Variants in CIC observed in about 807,000 individuals in gnomAD.
CIC encodes capicua transcriptional repressor.
Under a neutral mutation model 115.7 loss-of-function variants are expected in CIC, and 18 were observed. The ratio of observed to expected loss-of-function variants is 0.16; its 90% CI spans 0.11 to 0.23. CIC has a LOEUF of 0.23. Ranked by LOEUF, CIC falls within the 10% of genes least tolerant of loss-of-function variation. The pLI is 1.00. For synonymous variants in CIC, 1,076 were observed against 923.0 expected, an observed-to-expected ratio of 1.17 and a Z score of -3.01; for missense variants, 2,000 against 2,159.3, an observed-to-expected ratio of 0.93 and a Z score of 1.46.
intron 7 of CIC, 25 bp from the exon 8 acceptor site, chr19:42,288,863 C>A: frequency 6.2e-7 from 1 of 1,609,002 alleles, no homozygotes; most frequent in South Asian, 1.1e-5. Flanking sequence ...TACTGACTGT[C>A]ATAGCGCCAC....
rs781644205 is a variant in CIC at position 42,292,135 on chromosome 19, C to G, written c.5663C>G (p.Pro1888Arg). The G allele has an allele frequency of 6.2e-7, 1 of 1,613,866 alleles. No individual in the cohort carries two copies. Among genetic ancestry groups the G allele is most frequent in the Non-Finnish European group, 8.5e-7 (1 of 1,179,988 alleles). ...GTGAGCACACCCAGCGGCCTGGTGC[C>G]GCCCCTGAGCCCAGCCACACTCCCT... ...VPVSTPSGLV[P>R]PLSPATLPGP... The change falls in exon 13 of 21, where the codon CCG (proline) becomes CGG (arginine). Residue 1888 changes from proline to arginine, a missense_variant. Pro to Arg is a moderately radical substitution (Grantham distance 103). Coordinates refer to ENST00000681038, the MANE Select transcript of CIC (RefSeq NM_001386298.1).
At chr19:42,289,731 T>C in intron 9 of CIC, 117 bp from the exon 10 acceptor site, 4 of 939,358 alleles carry the variant, frequency 4.3e-6, no homozygotes, top group Non-Finnish European at 6.7e-6. Context: ...GGAGTAGCCT[T>C]CCTGGACAGC....
rs1279152958 is a variant in CIC at position 42,273,465 on chromosome 19, G to T, written c.1682G>T (p.Gly561Val). 1 of 398,448 alleles carries T rather than the reference G, an allele frequency of 2.5e-6. No homozygotes were observed. The allele number at this position is 398,448 out of a possible 1,614,324, so 24.7% of individuals were successfully genotyped here. Residue 561 changes from glycine to valine, a missense_variant, in exon 2 of 21, where the codon GGT becomes GTT. Around this residue, in one of 8 missense-constraint regions of CIC, gnomAD observed 222 missense variants for 247.7 expected, o/e 0.90. Transcript: ENST00000681038. ...AREGSTEFDW[G>V]DETSRDSEAS... Reference sequence around the variant, plus strand: ...GAGGGCAGCACGGAGTTTGACTGGGGTGATGAGACGTCGAGGGACAGTGAG... The same window carrying T: ...GAGGGCAGCACGGAGTTTGACTGGGTTGATGAGACGTCGAGGGACAGTGAG...
At position 42,291,656 on chromosome 19, in the gene CIC, G is replaced by T. The variant is rs754780984; in HGVS notation, c.5524G>T (p.Val1842Leu). The T allele has an allele frequency of 5.0e-6, 8 of 1,612,900 alleles. No homozygotes were observed. The East Asian group carries it at 1.8e-4, about 36-fold the overall frequency. ...GCCTCTGGCCGCCCCTAGCATGTCA[G>T]TGCGGGGTGGAGGGGCCGGCCAGCC... is the stretch of plus-strand genomic sequence containing the variant. The part of the protein sequence containing the change: ...LVPLAAPSMS[V>L]RGGGAGQPLP... The change falls in exon 12 of 21, where the codon GTG becomes TTG. Residue 1842 changes from valine (V) to leucine (L), a missense_variant. Val to Leu is a conservative substitution (Grantham distance 32). This residue lies in a region of CIC where 1,466 missense variants were observed against 1,390.4 expected (regional missense o/e 1.05). Coordinates refer to ENST00000681038, the MANE Select transcript of CIC (RefSeq NM_001386298.1).
intron 2 of CIC, among the ~76,000 whole-genome samples, chr19:42,275,769 C>T (rs1261966316): frequency 2.0e-5 from 3 of 152,206 alleles, no homozygotes; most frequent in Non-Finnish European, 4.4e-5. Context: ...CTGTCTTGGC[C>T]TCCCAAAATG....
intron 16 of CIC, 136 bp downstream of exon 16, chr19:42,293,417 C>T (rs897402716): frequency 1.5e-6 from 2 of 1,346,082 alleles, no homozygotes; most frequent in Non-Finnish European, 2.1e-6. Context: ...GTCCCTTCTG[C>T]CTGCCTGTGT....
Position 42,287,522 on chromosome 19 carries a change from G to A in CIC, c.3310-23G>A, listed in dbSNP as rs766543605. On this transcript the variant is annotated intron_variant, in intron 5 of 20. Coordinates refer to ENST00000681038, the MANE Select transcript of CIC (RefSeq NM_001386298.1). The surrounding 1 kb of genome is among the most constrained non-coding windows in gnomAD (Gnocchi z 8.7). Reference sequence around the variant, plus strand: ...CTGTCTGCCAGGTCCTAACTGTCCCGCTCTGGGCTGTGTTTAATGCAGCGG... The same window carrying A: ...CTGTCTGCCAGGTCCTAACTGTCCCACTCTGGGCTGTGTTTAATGCAGCGG... The A allele has an allele frequency of 5.6e-6, 9 of 1,612,640 alleles. 1 individual carries two copies. Among genetic ancestry groups the A allele is most frequent in the East Asian group, 2.2e-5 (1 of 44,876 alleles).
chr19:42,295,143 G>GGGGGGGCCCCCCC lies in CIC; in HGVS notation c.7506_7507insGGGGGGCCCCCCC (p.Pro2503GlyfsTer24). ...AGCCTGGCTGGGAGGGGGCTCCCCA[G>GGGGGGGCCCCCCC]CCCTCCCCCCCACCCCCAGGTCCCT... On this transcript the variant is annotated frameshift_variant, in exon 21 of 21. Transcript: ENST00000681038. LOFTEE classifies it high-confidence loss of function. 1.4e-6 allele frequency: 2 copies of GGGGGGGCCCCCCC among 1,382,718 alleles called. No individual in the cohort carries two copies. The highest frequency in any genetic ancestry group is 1.9e-6 in the Non-Finnish European group (2 of 1,037,806). The allele number at this position is 1,382,718 out of a possible 1,614,324, so 85.7% of individuals were successfully genotyped here. A position where few individuals can be genotyped will look rare whatever the true frequency, so the allele number is the denominator to read the frequency against.
At position 42,280,503 on chromosome 19, in the gene CIC, C is replaced by T. The variant is rs549439959; in HGVS notation, c.2794+5926C>T. 6.6e-6 allele frequency among the ~76,000 whole-genome samples: 1 copy of T among 152,286 alleles called. No individual in the cohort carries two copies. Among genetic ancestry groups the T allele is most frequent in the African/African-American group, 2.4e-5 (1 of 41,562 alleles). On this transcript the variant is annotated intron_variant, in intron 2 of 20. Coordinates refer to ENST00000681038, the MANE Select transcript of CIC (RefSeq NM_001386298.1). This position sits in a 1 kb window ranked among gnomAD's most constrained non-coding sequence, Gnocchi z 4.9. Reference sequence around the variant, plus strand: ...CCTTCTCATTGGCTGCCGTCTCGCCCGCTGACCGCTGATTGGCCGAGACCT... The same window carrying T: ...CCTTCTCATTGGCTGCCGTCTCGCCTGCTGACCGCTGATTGGCCGAGACCT...
At chr19:42,271,206 G>C (rs2036778731) in intron 1 of CIC, among the ~76,000 whole-genome samples, 1 of 152,232 alleles carries the variant, frequency 6.6e-6, no homozygotes, top group African/African-American at 2.4e-5. Flanking sequence ...GAGTAAATGT[G>C]CCCTCTGGAT....
chr19:42,286,014 CCT>C (rs929458432), intron 2 of CIC, among the ~76,000 whole-genome samples: 6 of 152,246 alleles, frequency 3.9e-5, no homozygotes, highest in Admixed American at 6.5e-5. Context: ...CACACCCTCC[CCT>C]GTTTTGGGCA....
rs112938816 is a variant in CIC at position 42,292,347 on chromosome 19, C to T, written c.5783C>T (p.Thr1928Ile). Residue 1928 changes from threonine (T) to isoleucine (I), a missense_variant, in exon 14 of 21, where the codon ACC becomes ATC. By Grantham distance (89) the Thr-to-Ile change is moderately conservative. Around this residue, in one of 8 missense-constraint regions of CIC, gnomAD observed 1,466 missense variants for 1,390.4 expected, o/e 1.05. Transcript: ENST00000681038. ...GGCGGGCACGCGCTGCCCCTGGGTACCAGCCCTGCGTCCAGCCAGGCTGGA... is the reference window on the plus strand; with the variant it reads ...GGCGGGCACGCGCTGCCCCTGGGTATCAGCCCTGCGTCCAGCCAGGCTGGA... Reference protein sequence around the residue: ...SAGGHALPLGTSPASSQAGTV... With the variant: ...SAGGHALPLGISPASSQAGTV... The T allele has an allele frequency of 6.2e-7, 1 of 1,613,076 alleles. No individual in the cohort carries two copies. Among genetic ancestry groups the T allele is most frequent in the Non-Finnish European group, 8.5e-7 (1 of 1,179,942 alleles).
In CIC at chr19:42,293,757, C is replaced by T. The variant is rs775619086; in HGVS notation, c.6688C>T (p.Arg2230Cys). 11 of 1,612,644 alleles carry T rather than the reference C, an allele frequency of 6.8e-6. No homozygotes were observed. Among genetic ancestry groups the T allele is most frequent in the Admixed American group, 3.3e-5 (2 of 59,994 alleles). ...SGRAAGDTPE[R>C]KEAAGTGKKV... ...GCGGGCAGCCGGGGACACCCCGGAG[C>T]GCAAGGAGGCGGCTGGTACTGGCAA... Residue 2230 changes from arginine to cysteine, a missense_variant, in exon 17 of 21, where the codon CGC becomes TGC. Physicochemically the swap from Arg to Cys is radical, Grantham distance 180. Coordinates refer to ENST00000681038, the MANE Select transcript of CIC (RefSeq NM_001386298.1).
At position 42,280,510 on chromosome 19, in the gene CIC, C is replaced by T. The variant is rs947338374; in HGVS notation, c.2794+5933C>T. Among the ~76,000 whole-genome samples, 10 of 152,182 alleles carry T rather than the reference C, an allele frequency of 6.6e-5. No individual in the cohort carries two copies. Among genetic ancestry groups the T allele is most frequent in the Non-Finnish European group, 1.5e-4 (10 of 68,022 alleles). Reference sequence around the variant, plus strand: ...ATTGGCTGCCGTCTCGCCCGCTGACCGCTGATTGGCCGAGACCTGCTTCTC... The same window carrying T: ...ATTGGCTGCCGTCTCGCCCGCTGACTGCTGATTGGCCGAGACCTGCTTCTC... On this transcript the variant is annotated intron_variant, in intron 2 of 20. Transcript: ENST00000681038. The surrounding 1 kb of genome is among the most constrained non-coding windows in gnomAD (Gnocchi z 4.9).
chr19:42,293,581 C>A lies in CIC; in HGVS notation c.6523-11C>A. 6.2e-7 allele frequency: 1 copy of A among 1,613,826 alleles called. No individual in the cohort carries two copies. Among genetic ancestry groups the A allele is most frequent in the Non-Finnish European group, 8.5e-7 (1 of 1,180,020 alleles). On this transcript the variant is annotated splice_polypyrimidine_tract_variant and intron_variant, in intron 16 of 20. Coordinates refer to ENST00000681038, the MANE Select transcript of CIC (RefSeq NM_001386298.1). ...CAGTGTTCGCCATCTCCCTGCCCATCTCCACCCCAGGCCAGCAAATTCCCC... is the reference window on the plus strand; with the variant it reads ...CAGTGTTCGCCATCTCCCTGCCCATATCCACCCCAGGCCAGCAAATTCCCC...
rs992819859 is a variant in CIC at position 42,289,970 on chromosome 19, G to T, written c.4191+19G>T. Reference sequence around the variant, plus strand: ...CAACAAGGTGAGGGCTTGGGTCACGGTGCTGTCCCATCACACTCCCTCCTA... The same window carrying T: ...CAACAAGGTGAGGGCTTGGGTCACGTTGCTGTCCCATCACACTCCCTCCTA... On this transcript the variant is annotated intron_variant, in intron 10 of 20. Transcript: ENST00000681038. 2 of 1,569,056 alleles carry T rather than the reference G, an allele frequency of 1.3e-6. No homozygotes were observed. The highest frequency in any genetic ancestry group is 3.6e-5 in the Admixed American group (2 of 55,784).
In CIC at chr19:42,291,077, A is replaced by T. The variant is rs1433852781; in HGVS notation, c.5036A>T (p.Tyr1679Phe). The T allele has an allele frequency of 2.5e-6, 4 of 1,613,758 alleles. No individual in the cohort carries two copies. The highest frequency in any genetic ancestry group is 3.4e-6 in the Non-Finnish European group (4 of 1,179,876). ...VTNLLVGTPG[Y>F]GAPAPPAVQF... ...AACCTACTGGTGGGCACCCCGGGGTATGGGGCCCCTGCGCCCCCTGCTGTC... is the reference window on the plus strand; with the variant it reads ...AACCTACTGGTGGGCACCCCGGGGTTTGGGGCCCCTGCGCCCCCTGCTGTC... The change falls in exon 11 of 21, where the codon TAT (tyrosine) becomes TTT (phenylalanine). Residue 1679 changes from tyrosine to phenylalanine, a missense_variant. By Grantham distance (22) the Tyr-to-Phe change is conservative (BLOSUM62 3). Transcript: ENST00000681038.
intron 2 of CIC, among the ~76,000 whole-genome samples, chr19:42,279,157 G>A (rs1398540588): frequency 2.6e-5 from 4 of 152,238 alleles, no homozygotes; most frequent in Non-Finnish European, 5.9e-5. Context: ...GGGAAAAAGA[G>A]GGGCCAAAGG....
intron 2 of CIC, among the ~76,000 whole-genome samples, chr19:42,278,396 C>T (rs753409703): frequency 2.0e-4 from 30 of 152,240 alleles, no homozygotes; most frequent in Non-Finnish European, 3.1e-4. Context: ...CTGTCTTATC[C>T]TTGGCTTCCT....
Sources: gnomAD v4.1 joint callset for allele counts (sites outside exome capture counted in the v4.1 genomes callset) on GRCh38, gnomAD v4.1.1 for gene constraint, gnomAD v4.1.1 regional missense constraint, Gnocchi (gnomAD v3.1) non-coding constraint, MANE v1.5 for transcripts, NCBI Gene and HGNC (gene_info 2026-07-23, HGNC 2026-07-21) for gene names.